Variants in NRF1 observed in about 807,000 individuals in gnomAD.
NRF1 encodes nuclear respiratory factor 1.
NRF1 carries 5 observed loss-of-function variants against 58.5 expected under a neutral mutation model. The observed-to-expected ratio is 0.09, with a 90% CI of 0.04 to 0.18. The LOEUF (loss-of-function observed/expected upper bound fraction) is 0.18. NRF1 is among the 10% of genes least tolerant of loss of function. The pLI is 1.00. For synonymous variants in NRF1, 224 were observed against 246.7 expected (o/e 0.91, Z 0.86); for missense variants, 288 against 657.7 (o/e 0.44, Z 6.15).
intron 9 of NRF1, among the ~76,000 whole-genome samples, chr7:129,722,085 C>T (rs1290595516): frequency 2.6e-5 from 4 of 152,060 alleles, no homozygotes; most frequent in African/African-American, 4.8e-5. Context: ...CCCTATTCAC[C>T]TTTTTAAGTG....
chr7:129,656,038 CTGT>C (rs1421605229), intron 1 of NRF1, among the ~76,000 whole-genome samples: 5 of 152,192 alleles, frequency 3.3e-5, no homozygotes, highest in Non-Finnish European at 7.4e-5. Flanking sequence ...CACATTTTGG[CTGT>C]TGCGAATAAA....
At chr7:129,740,745 C>T (rs528132943) in intron 10 of NRF1, among the ~76,000 whole-genome samples, 14 of 152,278 alleles carry the variant, frequency 9.2e-5, no homozygotes, top group African/African-American at 2.6e-4. Flanking sequence ...GTCTGCACAT[C>T]CAGAGGGGAT....
At chr7:129,684,679 A>G (rs1177455623) in intron 4 of NRF1, among the ~76,000 whole-genome samples, 1 of 152,328 alleles carries the variant, frequency 6.6e-6, no homozygotes, top group African/African-American at 2.4e-5. Flanking sequence ...ATGATTAATG[A>G]TAAATAATCA....
rs575258120 is a variant in NRF1 at position 129,756,195 on chromosome 7, G to C, written c.*1014G>C. ...AATCGTCCTAGACCAGGATACACCC[G>C]TGGGAGCAATTTTCTCTACTGTCTG... is the stretch of plus-strand genomic sequence containing the variant. On this transcript the variant is annotated 3_prime_UTR_variant, in exon 11 of 11. Transcript: ENST00000393232. 1 of 152,246 alleles carries C rather than the reference G, an allele frequency of 6.6e-6. No homozygotes were observed. Among genetic ancestry groups the C allele is most frequent in the Non-Finnish European group, 1.5e-5 (1 of 68,102 alleles). 9.4% of individuals were successfully genotyped at this position (152,246 alleles called of 1,614,324 possible). A position where few individuals can be genotyped will look rare whatever the true frequency, so the allele number is the denominator to read the frequency against.
At chr7:129,658,225 T>C (rs1489491504) in intron 2 of NRF1, among the ~76,000 whole-genome samples, 1 of 152,200 alleles carries the variant, frequency 6.6e-6, no homozygotes, top group African/African-American at 2.4e-5. Context: ...TTTTTTCTTG[T>C]TAGTTTGAAA....
rs397808264 is a variant in NRF1 at position 129,625,699 on chromosome 7, T to TG, written c.-7+13876dup. On this transcript the variant is annotated intron_variant, in intron 1 of 10. Transcript: ENST00000393232. The stretch of plus-strand genomic sequence containing the variant: ...AATTTTTTTTTTTTTTTTTTTTTTT[T>TG]GAGACGGAGTCTCGCTCTGTTGCCC... Among the ~76,000 whole-genome samples the TG allele has an allele frequency of 3.5e-5, 5 of 142,108 alleles. No homozygotes were observed. In the East Asian group the frequency reaches 1.0e-3, roughly 28 times the overall value. The allele number at this position is 142,108 out of a possible 152,430, so 93.2% of individuals were successfully genotyped here. A position where few individuals can be genotyped will look rare whatever the true frequency, so the allele number is the denominator to read the frequency against.
intron 10 of NRF1, chr7:129,744,046 G>A: frequency 1.3e-6 from 1 of 740,802 alleles, no homozygotes; most frequent in East Asian, 2.9e-5. Flanking sequence ...ACGGGTGGAA[G>A]GAGCGAGGCT....
intron 1 of NRF1, among the ~76,000 whole-genome samples, chr7:129,634,606 T>G (rs776993162): frequency 2.4e-4 from 37 of 152,240 alleles, no homozygotes; most frequent in Non-Finnish European, 4.7e-4. Flanking sequence ...ACATCTTGGT[T>G]GTGTTCAAGT....
At position 129,690,398 on chromosome 7, in the gene NRF1, C is replaced by G; in HGVS notation, c.466-8C>G. 6.2e-7 allele frequency: 1 copy of G among 1,610,840 alleles called. No individual in the cohort carries two copies. Among genetic ancestry groups the G allele is most frequent in the Non-Finnish European group, 8.5e-7 (1 of 1,178,306 alleles). On this transcript the variant is annotated splice_polypyrimidine_tract_variant and splice_region_variant and intron_variant, in intron 4 of 10. Coordinates refer to ENST00000393232, the MANE Select transcript of NRF1 (RefSeq NM_005011.5). ...ATCTTGTTTACTTCTGCCCTTAATTCCCTGCAGGTGCGTAAGTACAAGAGC... is the reference window on the plus strand; with the variant it reads ...ATCTTGTTTACTTCTGCCCTTAATTGCCTGCAGGTGCGTAAGTACAAGAGC...
chr7:129,627,453 T>G (rs1181930213), intron 1 of NRF1, among the ~76,000 whole-genome samples: 1 of 152,088 alleles, frequency 6.6e-6, no homozygotes, highest in East Asian at 1.9e-4. Context: ...ACTCCTGGGC[T>G]CAAGCAATCC....
intron 1 of NRF1, among the ~76,000 whole-genome samples, chr7:129,656,597 C>A (rs1187463815): frequency 6.6e-6 from 1 of 151,678 alleles, no homozygotes; most frequent in Admixed American, 6.6e-5. Flanking sequence ...GTTTTTGAGA[C>A]AGAGTCTTGC....
chr7:129,710,746 G>A (rs376655600), intron 7 of NRF1, among the ~76,000 whole-genome samples, 175 bp downstream of exon 7: 1 of 152,016 alleles, frequency 6.6e-6, no homozygotes, highest in African/African-American at 2.4e-5. Flanking sequence ...CTTTGCATTT[G>A]CTAAATACAG....
At chr7:129,740,003 A>C (rs901667224) in intron 10 of NRF1, among the ~76,000 whole-genome samples, 1 of 152,192 alleles carries the variant, frequency 6.6e-6, no homozygotes, top group Non-Finnish European at 1.5e-5. Context: ...TCTCTGCCCC[A>C]TGTGTGTTTC....
intron 1 of NRF1, among the ~76,000 whole-genome samples, chr7:129,648,881 G>C (rs747428859): frequency 2.7e-5 from 4 of 149,452 alleles, no homozygotes; most frequent in Non-Finnish European, 4.4e-5. Context: ...TGTAGTCGGG[G>C]TCTGGAGATG....
chr7:129,661,835 C>T (rs1271030120), intron 2 of NRF1, among the ~76,000 whole-genome samples: 2 of 150,762 alleles, frequency 1.3e-5, no homozygotes, highest in African/African-American at 5.0e-5. Context: ...AGCAGCACCC[C>T]ACTCCTGGTA....
intron 4 of NRF1, among the ~76,000 whole-genome samples, chr7:129,679,931 G>A (rs924166178): frequency 4.0e-5 from 6 of 151,170 alleles, no homozygotes; most frequent in African/African-American, 9.7e-5. Flanking sequence ...GGTGGCGGGC[G>A]CCTGTAATCC....
intron 9 of NRF1, among the ~76,000 whole-genome samples, chr7:129,718,312 G>A (rs968248137): frequency 2.0e-5 from 3 of 152,184 alleles, no homozygotes; most frequent in African/African-American, 7.2e-5. Context: ...GTTTGGCATC[G>A]AGCAGTTGAT....
At chr7:129,662,735 T>C (rs956232399) in intron 2 of NRF1, among the ~76,000 whole-genome samples, 2 of 152,090 alleles carry the variant, frequency 1.3e-5, no homozygotes, top group African/African-American at 4.8e-5. Context: ...TTAATCCAAT[T>C]TAAGGTTTAT....
intron 10 of NRF1, among the ~76,000 whole-genome samples, chr7:129,752,118 G>A (rs1804131726): frequency 6.6e-6 from 1 of 152,218 alleles, no homozygotes. Context: ...CCTCTGTCAA[G>A]TGGGAAGGCC....
Sources: allele counts gnomAD v4.1 joint callset (sites outside exome capture counted in the v4.1 genomes callset), GRCh38; gene constraint gnomAD v4.1.1; transcripts MANE v1.5; gene names NCBI Gene and HGNC (gene_info 2026-07-23, HGNC 2026-07-21).